Variants in LRRC9 observed in about 807,000 individuals in gnomAD.
The protein encoded by LRRC9 is leucine rich repeat containing 9.
In LRRC9, 122 loss-of-function variants were observed where a neutral mutation model predicts 63.2. The ratio of observed to expected loss-of-function variants is 1.93; its 90% CI spans 1.67 to 2.24. The LOEUF is 2.24. Among genes scored for constraint, LRRC9 ranks in the 30% most tolerant of loss-of-function variants. The pLI, the probability that LRRC9 is intolerant of heterozygous loss-of-function variation, is 0.00. For missense variants in LRRC9, 1,071 were observed against 627.7 expected (o/e 1.71, Z -7.55); for synonymous variants, 366 against 213.1 (o/e 1.72, Z -6.25).
chr14:59,931,868 C>T, intron 5 of LRRC9, 101 bp from the exon 6 acceptor site: 1 of 633,046 alleles, frequency 1.6e-6, no homozygotes, highest in Non-Finnish European at 2.8e-6. Context: ...TACCATTAGT[C>T]TATTTATATG....
In LRRC9 at chr14:59,962,721, A is replaced by C. The variant is rs1266338985; in HGVS notation, c.1211+1676A>C. Among the ~76,000 whole-genome samples, 4 of 152,146 alleles carry C rather than the reference A, an allele frequency of 2.6e-5. No individual in the cohort carries two copies. Among genetic ancestry groups the C allele is most frequent in the Admixed American group, 1.3e-4 (2 of 15,276 alleles). ...CCCAGCTCCAAACAGGATTTTTAAAAATTATTTGTTTCTTTTTAAATTATT... is the reference window on the plus strand; with the variant it reads ...CCCAGCTCCAAACAGGATTTTTAAACATTATTTGTTTCTTTTTAAATTATT... On this transcript the variant is annotated intron_variant, in intron 10 of 31. Coordinates refer to ENST00000445360, the Ensembl canonical transcript of LRRC9. This position sits in a 1 kb window ranked among gnomAD's most constrained non-coding sequence, Gnocchi z 5.1.
chr14:60,035,449 T>C (rs1184339320), intron 29 of LRRC9, among the ~76,000 whole-genome samples: 2 of 152,220 alleles, frequency 1.3e-5, no homozygotes, highest in African/African-American at 4.8e-5. Flanking sequence ...ATTTCACCAA[T>C]GCTTTCTTCT....
chr14:60,061,748 G>A (rs1404654496), intron 31 of LRRC9, among the ~76,000 whole-genome samples: 3 of 152,152 alleles, frequency 2.0e-5, no homozygotes, highest in Admixed American at 6.5e-5. Context: ...CAGCATGCAG[G>A]TTTGGATATT....
Position 59,990,400 on chromosome 14 carries a change from T to A in LRRC9, c.2211+5176T>A, listed in dbSNP as rs1463116783. On this transcript the variant is annotated intron_variant, in intron 17 of 31. Transcript: ENST00000445360. This position sits in a 1 kb window ranked among gnomAD's most constrained non-coding sequence, Gnocchi z 4.2. ...GACTGCTTTCTTCAGACCTTTCTTT[T>A]TTCTTTTTCTTTTTTCATTTTTAGA... is the stretch of plus-strand genomic sequence containing the variant. Among the ~76,000 whole-genome samples the A allele has an allele frequency of 6.6e-6, 1 of 152,104 alleles. No homozygotes were observed. The highest frequency in any genetic ancestry group is 1.5e-5 in the Non-Finnish European group (1 of 68,028).
intron 12 of LRRC9, among the ~76,000 whole-genome samples, chr14:59,968,722 A>G (rs1415944355): frequency 6.6e-6 from 1 of 152,144 alleles, no homozygotes; most frequent in African/African-American, 2.4e-5. Flanking sequence ...TTATCGGGAG[A>G]GGGTAAGGGA....
chr14:59,945,722 AG>A (rs1276762050), intron 8 of LRRC9, among the ~76,000 whole-genome samples: 2 of 152,090 alleles, frequency 1.3e-5, no homozygotes, highest in East Asian at 1.9e-4. Context: ...TAGTATAAAA[AG>A]GTGCTCATAT....
intron 10 of LRRC9, among the ~76,000 whole-genome samples, chr14:59,961,502 G>A (rs1566818378): frequency 1.3e-5 from 2 of 152,210 alleles, no homozygotes. Context: ...GGAGGAGACT[G>A]TCTAGCAAAT....
Position 60,053,774 on chromosome 14 carries a change from A to T in LRRC9, c.4131+569A>T. The T allele has an allele frequency of 2.7e-6, 1 of 369,756 alleles. No homozygotes were observed. 22.9% of individuals were successfully genotyped at this position (369,756 alleles called of 1,614,324 possible). A position where few individuals can be genotyped will look rare whatever the true frequency, so the allele number is the denominator to read the frequency against. On this transcript the variant is annotated intron_variant, in intron 30 of 31. Transcript: ENST00000445360. This position sits in a 1 kb window ranked among gnomAD's most constrained non-coding sequence, Gnocchi z 4.8. ...GAGATTAAAAAGGGAAGAAATAATAAAAGCATGTCATTTGAAAATTCTGTC... is the reference window on the plus strand; with the variant it reads ...GAGATTAAAAAGGGAAGAAATAATATAAGCATGTCATTTGAAAATTCTGTC...
At chr14:60,011,297 C>T (rs1275453539) in intron 23 of LRRC9, among the ~76,000 whole-genome samples, 1 of 152,158 alleles carries the variant, frequency 6.6e-6, no homozygotes, top group Non-Finnish European at 1.5e-5. Context: ...GACTTATTCA[C>T]TATCACAAGA....
intron 29 of LRRC9, among the ~76,000 whole-genome samples, chr14:60,034,735 T>C (rs935946777): frequency 6.6e-6 from 1 of 152,238 alleles, no homozygotes; most frequent in African/African-American, 2.4e-5. Flanking sequence ...ATTTTCTTTA[T>C]CCATTCATCC....
chr14:60,048,661 C>CA (rs1005118678), intron 29 of LRRC9, among the ~76,000 whole-genome samples: 6 of 151,354 alleles, frequency 4.0e-5, no homozygotes, highest in African/African-American at 7.3e-5. Context: ...GCCTAACAAC[C>CA]AAAAAAAAGC....
rs532965873 is a variant in LRRC9, at chr14:59,951,430, G to T, written c.882+6686G>T. 2.9e-4 allele frequency among the ~76,000 whole-genome samples: 32 copies of T among 111,870 alleles called. 1 individual carries two copies. Among genetic ancestry groups the T allele is most frequent in the African/African-American group, 9.7e-4 (30 of 31,070 alleles). 73.4% of individuals were successfully genotyped at this position (111,870 alleles called of 152,430 possible). ...TTTTTTCAAAGTTTTCAACTTCTTT[G>T]ACTTTGGTTTGAATGTCCTCCCGTA... On this transcript the variant is annotated intron_variant, in intron 8 of 31. Transcript: ENST00000445360.
rs149924159 is a variant in LRRC9, at chr14:59,939,795, T to C, written c.726+1223T>C. ...AAGAATCATGATTCTAGAATCATGA[T>C]AACTTTAGGCATGTAAAGTTTGAAC... On this transcript the variant is annotated intron_variant, in intron 7 of 31. Coordinates refer to ENST00000445360, the Ensembl canonical transcript of LRRC9. 3.3e-5 allele frequency among the ~76,000 whole-genome samples: 5 copies of C among 152,152 alleles called. No homozygotes were observed. In the East Asian group the frequency reaches 9.6e-4, roughly 29 times the overall value.
downstream of LRRC9, among the ~76,000 whole-genome samples, chr14:60,064,587 T>C (rs573194765): frequency 2.0e-5 from 3 of 152,350 alleles, no homozygotes; most frequent in South Asian, 6.2e-4. Context: ...TACAGATTGA[T>C]TTTGCTCTTT....
chr14:59,921,819 C>G (rs1237720045), intron 1 of LRRC9, among the ~76,000 whole-genome samples: 2 of 149,278 alleles, frequency 1.3e-5, no homozygotes, highest in Non-Finnish European at 3.0e-5. Context: ...GGCACGGTGG[C>G]TCATGCCTGT....
At chr14:60,026,693 T>A (rs1291470846) in intron 27 of LRRC9, among the ~76,000 whole-genome samples, 1 of 151,984 alleles carries the variant, frequency 6.6e-6, no homozygotes, top group African/African-American at 2.4e-5. Flanking sequence ...GAGATAGGGG[T>A]CAAGTTTCAT....
intron 29 of LRRC9, among the ~76,000 whole-genome samples, chr14:60,040,033 T>C (rs1892807902): frequency 6.6e-6 from 1 of 152,018 alleles, no homozygotes; most frequent in East Asian, 1.9e-4. Flanking sequence ...CCAGTAGTCA[T>C]TCAGGAGCAG....
intron 12 of LRRC9, among the ~76,000 whole-genome samples, chr14:59,968,474 A>G (rs538683215): frequency 3.5e-4 from 54 of 152,286 alleles, no homozygotes; most frequent in African/African-American, 1.2e-3. Context: ...CACCTCCCCA[A>G]AAAAGCATTC....
chr14:59,928,237 G>A (rs1159097739), intron 2 of LRRC9, 31 bp from the exon 3 acceptor site: 4 of 563,772 alleles, frequency 7.1e-6, no homozygotes, highest in East Asian at 5.8e-5. Context: ...TTTAAAATAG[G>A]TAATGACCAA....
Sources: allele counts gnomAD v4.1 joint callset (sites outside exome capture counted in the v4.1 genomes callset), GRCh38; gene constraint gnomAD v4.1.1; non-coding constraint Gnocchi (gnomAD v3.1); transcripts MANE v1.5; gene names NCBI Gene and HGNC (gene_info 2026-07-23, HGNC 2026-07-21).